Variants in ZNF469 observed in about 807,000 individuals in gnomAD.
ZNF469 encodes the protein zinc finger protein 469.
ZNF469 carries 1 observed loss-of-function variant against 1.0 expected under a neutral mutation model. That is an observed-to-expected ratio of 1.00 (90% CI 0.35 to 4.73). The LOEUF (loss-of-function observed/expected upper bound fraction) is 4.73. Ranked by LOEUF, ZNF469 falls within the 30% of genes most tolerant of loss-of-function variation. The probability of loss-of-function intolerance (pLI) is 0.16; values close to 1 mark genes in which losing one functional copy is unlikely to be tolerated. For synonymous variants in ZNF469, 2,703 were observed against 2,363.4 expected, an observed-to-expected ratio of 1.14 and a Z score of -4.17; for missense variants, 6,100 against 5,356.3, an observed-to-expected ratio of 1.14 and a Z score of -4.33.
At chr16:88,354,386 C>T in the ZNF469 span, among the ~76,000 whole-genome samples, 19 of 152,210 alleles carry the variant, frequency 1.2e-4, no homozygotes, top group South Asian at 2.1e-4. Flanking sequence ...GAACCCGGGA[C>T]GCAGGCGGCG....
At chr16:88,196,184 G>T in the ZNF469 span, among the ~76,000 whole-genome samples, 8 of 152,226 alleles carry the variant, frequency 5.3e-5, no homozygotes, top group Non-Finnish European at 1.5e-5. Context: ...CTGATGGCGT[G>T]AAGTTGCTCT....
intron 1 of ZNF469, among the ~76,000 whole-genome samples, chr16:88,408,533 G>A (rs1284509680): frequency 6.6e-6 from 1 of 152,230 alleles, no homozygotes; most frequent in Non-Finnish European, 1.5e-5. Context: ...GGAATGAGAG[G>A]GAGGGGCTGT....
At chr16:88,417,725 A>C (rs1597200528) in intron 1 of ZNF469, among the ~76,000 whole-genome samples, 1 of 152,282 alleles carries the variant, frequency 6.6e-6, no homozygotes, top group East Asian at 1.9e-4. Context: ...TGTGTCTCCA[A>C]AGTCATTTCT....
Position 88,437,420 on chromosome 16 carries a change from C to A in ZNF469, c.9950C>A (p.Ala3317Asp), listed in dbSNP as rs1567516534. The A allele has an allele frequency of 1.1e-5, 16 of 1,522,214 alleles. No homozygotes were observed. The highest frequency in any genetic ancestry group is 1.3e-5 in the Non-Finnish European group (15 of 1,131,874). The allele number at this position is 1,522,214 out of a possible 1,614,324, so 94.3% of individuals were successfully genotyped here. A position where few individuals can be genotyped will look rare whatever the true frequency, so the allele number is the denominator to read the frequency against. Residue 3317 changes from alanine (A) to aspartate (D), a missense_variant, in exon 3 of 3, where the codon GCC becomes GAC. Ala to Asp is a moderately radical substitution (Grantham distance 126). Transcript: ENST00000565624. Reference protein sequence around the residue: ...TTPSPSPDPWAGGEPLLQATP... With the variant: ...TTPSPSPDPWDGGEPLLQATP... ...CCCAGCCCGTCCCCCGACCCCTGGG[C>A]CGGCGGGGAGCCCCTCCTGCAAGCC...
the ZNF469 span, among the ~76,000 whole-genome samples, chr16:88,282,026 T>C: frequency 6.6e-6 from 1 of 152,240 alleles, no homozygotes; most frequent in Admixed American, 6.5e-5. Flanking sequence ...GCCAACATTA[T>C]TGCATCAGTC....
At chr16:88,423,571 G>C (rs1252359230) in intron 1 of ZNF469, among the ~76,000 whole-genome samples, 1 of 152,312 alleles carries the variant, frequency 6.6e-6, no homozygotes, top group Admixed American at 6.5e-5. Context: ...AGTTTCCAAA[G>C]GTCAGGATGC....
the ZNF469 span, among the ~76,000 whole-genome samples, chr16:88,225,455 G>A: frequency 0.31 from 46,558 of 152,074 alleles, 7,535 homozygotes; most frequent in Non-Finnish European, 0.34. Flanking sequence ...GAAATCGGTG[G>A]GCAGGGATTG....
chr16:88,281,979 T>A, the ZNF469 span, among the ~76,000 whole-genome samples: 1 of 152,374 alleles, frequency 6.6e-6, no homozygotes, highest in East Asian at 1.9e-4. Flanking sequence ...GTTCATATCA[T>A]GCTGATGCTG....
chr16:88,245,884 C>T, the ZNF469 span, among the ~76,000 whole-genome samples: 1 of 152,278 alleles, frequency 6.6e-6, no homozygotes, highest in African/African-American at 2.4e-5. Context: ...ACAAAGGCAG[C>T]CGAACAGACC....
chr16:88,196,836 AGCTCTTTCTGAGAGT>A, the ZNF469 span, among the ~76,000 whole-genome samples: 2 of 152,152 alleles, frequency 1.3e-5, no homozygotes, highest in African/African-American at 4.8e-5. Flanking sequence ...CCGATGCCAA[AGCTCTTTCTGAGAGT>A]GCACACACCT....
the ZNF469 span, among the ~76,000 whole-genome samples, chr16:88,188,530 CA>C: frequency 6.6e-6 from 1 of 152,154 alleles, no homozygotes; most frequent in Non-Finnish European, 1.5e-5. Context: ...GTCTGGCCCC[CA>C]TGGTGCTCAG....
At chr16:88,386,249 G>A (rs1195828833) in intron 1 of ZNF469, among the ~76,000 whole-genome samples, 1 of 152,096 alleles carries the variant, frequency 6.6e-6, no homozygotes, top group Non-Finnish European at 1.5e-5. Context: ...CTCACTGTGG[G>A]CGGTGGCCAT....
chr16:88,407,740 G>T (rs1194810067), intron 1 of ZNF469, among the ~76,000 whole-genome samples: 2 of 152,210 alleles, frequency 1.3e-5, no homozygotes, highest in Admixed American at 1.3e-4. Flanking sequence ...TTACTCCCAG[G>T]GTGGTGACAC....
At position 88,434,368 on chromosome 16, in the gene ZNF469, G is replaced by C. The variant is rs1196975320; in HGVS notation, c.6898G>C (p.Gly2300Arg). The C allele has an allele frequency of 6.5e-7, 1 of 1,549,976 alleles. No homozygotes were observed. Among genetic ancestry groups the C allele is most frequent in the Admixed American group, 2.0e-5 (1 of 50,994 alleles). ...STPTGDEAQA[G>R]RGLPGPDPQS... ...TCCCACCGGAGATGAGGCACAGGCAGGCAGGGGACTCCCAGGGCCAGACCC... is the reference window on the plus strand; with the variant it reads ...TCCCACCGGAGATGAGGCACAGGCACGCAGGGGACTCCCAGGGCCAGACCC... The change falls in exon 3 of 3, where the codon GGC becomes CGC. Residue 2300 changes from glycine (G) to arginine (R), a missense_variant. By Grantham distance (125) the Gly-to-Arg change is moderately radical. Transcript: ENST00000565624.
the ZNF469 span, among the ~76,000 whole-genome samples, chr16:88,175,995 C>T: frequency 1.6e-4 from 25 of 152,196 alleles, no homozygotes; most frequent in Non-Finnish European, 3.2e-4. Flanking sequence ...GGCTCAGAAA[C>T]ACCAGGTGGC....
the ZNF469 span, among the ~76,000 whole-genome samples, chr16:88,214,440 G>A: frequency 6.6e-6 from 1 of 151,088 alleles, no homozygotes; most frequent in Non-Finnish European, 1.5e-5. Context: ...TCTGATTGTA[G>A]ATTTGTCTAC....
chr16:88,382,629 G>A (rs2092528138), upstream of ZNF469, among the ~76,000 whole-genome samples: 1 of 152,370 alleles, frequency 6.6e-6, no homozygotes, highest in Non-Finnish European at 1.5e-5. Context: ...AGGGACAAGC[G>A]TGTCATGTGT....
chr16:88,114,484 G>A, the ZNF469 span, among the ~76,000 whole-genome samples: 2 of 149,928 alleles, frequency 1.3e-5, no homozygotes, highest in East Asian at 1.9e-4. Context: ...GGGGGTCTCC[G>A]GGTTGGGGAA....
upstream of ZNF469, among the ~76,000 whole-genome samples, chr16:88,381,234 G>A (rs573517196): frequency 1.1e-3 from 89 of 78,118 alleles, no homozygotes; most frequent in African/African-American, 4.5e-3. Context: ...ACTCACACAC[G>A]CACTCACAGA....
Sources: gnomAD v4.1 joint callset for allele counts (sites outside exome capture counted in the v4.1 genomes callset) on GRCh38, gnomAD v4.1.1 for gene constraint, MANE v1.5 for transcripts, NCBI Gene and HGNC (gene_info 2026-07-23, HGNC 2026-07-21) for gene names.